The following IL1RAPL1 variants were observed in gnomAD, a reference collection of about 807,000 sequenced individuals.
IL1RAPL1 encodes interleukin 1 receptor accessory protein like 1.
Under a neutral mutation model 48.4 loss-of-function variants are expected in IL1RAPL1, and 3 were observed. The ratio of observed to expected loss-of-function variants is 0.06; its 90% CI spans 0.03 to 0.16. The LOEUF is 0.16. Ranked by LOEUF, IL1RAPL1 falls within the 10% of genes least tolerant of loss-of-function variation. IL1RAPL1 has a pLI of 1.00. For missense variants in IL1RAPL1, 349 were observed against 530.6 expected, an observed-to-expected ratio of 0.66 and a Z score of 3.36; for synonymous variants, 185 against 187.7, an observed-to-expected ratio of 0.99 and a Z score of 0.12.
intron 1 of IL1RAPL1, among the ~76,000 whole-genome samples, chrX:28,747,641 G>A (rs1010381585): frequency 8.9e-6 from 1 of 111,963 alleles, no homozygotes; most frequent in Non-Finnish European, 1.9e-5. Context: ...ACTCCGTCTC[G>A]AAACAAAATT....
At chrX:29,418,125 A>ATATT (rs1474269220) in intron 5 of IL1RAPL1, among the ~76,000 whole-genome samples, 34 of 26,694 alleles carry the variant, frequency 1.3e-3, no homozygotes, top group South Asian at 5.7e-3. Flanking sequence ...ATATATATAT[A>ATATT]TTTTTTTTTT....
At chrX:29,802,861 G>A (rs1310858327) in intron 6 of IL1RAPL1, among the ~76,000 whole-genome samples, 11 of 85,671 alleles carry the variant, frequency 1.3e-4, no homozygotes, top group African/African-American at 4.6e-4. Flanking sequence ...GTATATACGT[G>A]TACATATGTA....
intron 3 of IL1RAPL1, among the ~76,000 whole-genome samples, chrX:29,305,121 A>G (rs1381776057): frequency 4.5e-5 from 5 of 112,245 alleles, no homozygotes; most frequent in African/African-American, 1.6e-4. Context: ...AATTGCAAAA[A>G]TAACAGCTGT....
At chrX:29,705,541 G>C (rs933980190) in intron 6 of IL1RAPL1, among the ~76,000 whole-genome samples, 1 of 112,146 alleles carries the variant, frequency 8.9e-6, no homozygotes, top group African/African-American at 3.2e-5. Flanking sequence ...ACCAACTTTG[G>C]CCCTCCTCCT....
chrX:29,146,406 G>T (rs1929351024), intron 2 of IL1RAPL1, among the ~76,000 whole-genome samples: 1 of 110,838 alleles, frequency 9.0e-6, no homozygotes, highest in African/African-American at 3.3e-5. Flanking sequence ...TCCATTCCTT[G>T]CACCCTTTCC....
At chrX:28,650,125 T>G (rs1934666598) in intron 1 of IL1RAPL1, among the ~76,000 whole-genome samples, 1 of 112,107 alleles carries the variant, frequency 8.9e-6, no homozygotes, top group Non-Finnish European at 1.9e-5. Context: ...CTACTTAAAA[T>G]GACCAATGCT....
At chrX:29,131,495 G>A (rs1000908033) in intron 2 of IL1RAPL1, among the ~76,000 whole-genome samples, 2 of 110,767 alleles carry the variant, frequency 1.8e-5, no homozygotes, top group Non-Finnish European at 3.8e-5. Context: ...GCAGAGGAAA[G>A]GAAAACCTAC....
chrX:28,611,015 C>G (rs894460187), intron 1 of IL1RAPL1, among the ~76,000 whole-genome samples: 8 of 110,935 alleles, frequency 7.2e-5, no homozygotes, highest in Non-Finnish European at 3.8e-5. Flanking sequence ...TAAATCAGTT[C>G]CCTCATCACC....
chrX:29,432,091 G>C (rs1192001417), intron 5 of IL1RAPL1, among the ~76,000 whole-genome samples: 1 of 111,180 alleles, frequency 9.0e-6, no homozygotes, highest in African/African-American at 3.3e-5. Flanking sequence ...ACATAACTTA[G>C]GTGACTCATG....
chrX:28,927,060 A>T (rs1276919009), intron 2 of IL1RAPL1, among the ~76,000 whole-genome samples: 1 of 110,566 alleles, frequency 9.0e-6, no homozygotes, highest in African/African-American at 3.3e-5. Context: ...ACGCCTGGGT[A>T]ATTTTTAAAT....
At chrX:29,267,793 C>T (rs186864400) in intron 2 of IL1RAPL1, among the ~76,000 whole-genome samples, 3 of 111,730 alleles carry the variant, frequency 2.7e-5, no homozygotes, top group Non-Finnish European at 5.6e-5. Flanking sequence ...GTAAATTGGT[C>T]ACATAGAACA....
intron 1 of IL1RAPL1, among the ~76,000 whole-genome samples, chrX:28,678,169 A>G (rs1017379643): frequency 9.0e-6 from 1 of 111,559 alleles, no homozygotes; most frequent in African/African-American, 3.3e-5. Flanking sequence ...TGAGAGGGAA[A>G]AGGTGTGGGA....
At chrX:29,517,019 A>G (rs1410267977) in intron 5 of IL1RAPL1, among the ~76,000 whole-genome samples, 1 of 111,485 alleles carries the variant, frequency 9.0e-6, no homozygotes, top group East Asian at 2.8e-4. Context: ...GGTGTTTGAC[A>G]GTAATACATA....
At chrX:28,602,410 G>T (rs1397860665) in intron 1 of IL1RAPL1, among the ~76,000 whole-genome samples, 2 of 111,901 alleles carry the variant, frequency 1.8e-5, no homozygotes, top group African/African-American at 6.5e-5. Context: ...TGAAGCAATG[G>T]TTTTTTTACT....
At chrX:29,294,896 T>TAA (rs201342310) in intron 3 of IL1RAPL1, among the ~76,000 whole-genome samples, 1 of 111,004 alleles carries the variant, frequency 9.0e-6, no homozygotes, top group African/African-American at 3.3e-5. Context: ...TAAATAATGG[T>TAA]AAAAAAATGC....
chrX:29,488,268 T>C (rs146143938), intron 5 of IL1RAPL1, among the ~76,000 whole-genome samples: 1,213 of 111,468 alleles, frequency 0.011, 17 homozygotes, highest in African/African-American at 0.037. Flanking sequence ...TGAAACCCCG[T>C]CTCTACTAAA....
chrX:28,799,192 T>C (rs1936646940), intron 2 of IL1RAPL1, among the ~76,000 whole-genome samples: 2 of 111,701 alleles, frequency 1.8e-5, no homozygotes, highest in South Asian at 7.5e-4. Context: ...TGGGATACCA[T>C]CCATCATATT....
chrX:29,359,018 A>G (rs1422687749), intron 3 of IL1RAPL1, among the ~76,000 whole-genome samples: 1 of 109,135 alleles, frequency 9.2e-6, no homozygotes, highest in Non-Finnish European at 1.9e-5. Flanking sequence ...GTGAGACTCC[A>G]TCTCAAAAAA....
intron 6 of IL1RAPL1, among the ~76,000 whole-genome samples, chrX:29,816,472 C>G (rs1010517362): frequency 9.1e-6 from 1 of 109,798 alleles, no homozygotes; most frequent in Admixed American, 9.7e-5. Flanking sequence ...AATGGATTTG[C>G]AGCCAAATTC....
Sources: allele counts gnomAD v4.1 joint callset (sites outside exome capture counted in the v4.1 genomes callset), GRCh38; gene constraint gnomAD v4.1.1; transcripts MANE v1.5; gene names NCBI Gene and HGNC (gene_info 2026-07-23, HGNC 2026-07-21).